COBL: variants seen among roughly 807,000 people sequenced by gnomAD.
The protein encoded by COBL is cordon-bleu WH2 repeat protein.
A neutral mutation model predicts 98.8 loss-of-function variants in COBL; 51 were observed. That is an observed-to-expected ratio of 0.52 (90% CI 0.41 to 0.65). The LOEUF is 0.65. COBL is among the 30% of genes least tolerant of loss of function. The probability of loss-of-function intolerance (pLI) is 0.00; values close to 1 mark genes in which losing one functional copy is unlikely to be tolerated. For missense variants in COBL, 1,617 were observed against 1,617.5 expected (o/e 1.00, Z 0.01); for synonymous variants, 634 against 651.7 (o/e 0.97, Z 0.41).
intron 5 of COBL, among the ~76,000 whole-genome samples, chr7:51,167,496 T>C (rs1787436557): frequency 6.6e-6 from 1 of 152,110 alleles, no homozygotes; most frequent in African/African-American, 2.4e-5. Context: ...AAAATTTCCA[T>C]ACTACCGTAA....
intron 7 of COBL, among the ~76,000 whole-genome samples, chr7:51,077,089 C>T (rs923552205): frequency 2.4e-4 from 36 of 152,090 alleles, no homozygotes; most frequent in African/African-American, 6.5e-4. Context: ...AATCAAATGG[C>T]GGCAGAAAGC....
At chr7:51,049,665 A>G (rs1790051929) in intron 7 of COBL, among the ~76,000 whole-genome samples, 1 of 152,200 alleles carries the variant, frequency 6.6e-6, no homozygotes, top group Non-Finnish European at 1.5e-5. Flanking sequence ...CTGCGTCTGA[A>G]CACAAGCATG....
Position 51,250,723 on chromosome 7 carries a change from G to A in COBL, c.42-30779C>T, listed in dbSNP as rs548902936. 7.9e-5 allele frequency among the ~76,000 whole-genome samples: 12 copies of A among 152,282 alleles called. 1 individual carries two copies. Among genetic ancestry groups the A allele is most frequent in the Admixed American group, 2.6e-4 (4 of 15,296 alleles). ...AAGCCATCATAAATAAAATAACTAA[G>A]GTATTATGTAAGCTGGAAAAAGGTG... On this transcript the variant is annotated intron_variant, in intron 1 of 12. Transcript: ENST00000265136.
At chr7:51,143,633 T>C (rs1248838647) in intron 5 of COBL, among the ~76,000 whole-genome samples, 1 of 152,190 alleles carries the variant, frequency 6.6e-6, no homozygotes. Context: ...AGGGCACCAC[T>C]ACAGGACACA....
rs146942905 is a variant in COBL at position 51,147,595 on chromosome 7, T to C, written c.784-11264A>G. On this transcript the variant is annotated intron_variant, in intron 5 of 12. Coordinates refer to ENST00000265136, the MANE Select transcript of COBL (RefSeq NM_015198.5). ...AGAGGAGAACAAAGGGAGGAGGAAG[T>C]AACTTGTGGAATGCTGAGAAAGGTG... is the stretch of plus-strand genomic sequence containing the variant. Among the ~76,000 whole-genome samples the C allele has an allele frequency of 6.2e-4, 94 of 152,168 alleles. No homozygotes were observed. The Middle Eastern group carries it at 0.01, about 17-fold the overall frequency.
At chr7:51,225,445 T>C (rs145662252) in intron 1 of COBL, among the ~76,000 whole-genome samples, 1 of 152,122 alleles carries the variant, frequency 6.6e-6, no homozygotes, top group South Asian at 2.1e-4. Context: ...CGGCTGGCAG[T>C]GCACACAGGC....
intron 5 of COBL, among the ~76,000 whole-genome samples, chr7:51,174,388 C>T (rs1367974095): frequency 6.6e-6 from 1 of 151,714 alleles, no homozygotes; most frequent in East Asian, 1.9e-4. Flanking sequence ...AAATTTAACA[C>T]AAAACAATAA....
intron 5 of COBL, among the ~76,000 whole-genome samples, chr7:51,159,787 C>T (rs562032292): frequency 1.3e-5 from 2 of 151,950 alleles, no homozygotes; most frequent in Non-Finnish European, 2.9e-5. Flanking sequence ...TTGTAAGAAT[C>T]GAACACTCTG....
chr7:51,096,273 G>C (rs1322481697), intron 6 of COBL, among the ~76,000 whole-genome samples: 1 of 152,058 alleles, frequency 6.6e-6, no homozygotes, highest in Non-Finnish European at 1.5e-5. Context: ...AACAACCAAT[G>C]GTTCAAAGAA....
At chr7:51,272,522 G>GA (rs201548789) in intron 1 of COBL, among the ~76,000 whole-genome samples, 1,549 of 152,142 alleles carry the variant, frequency 0.01, 10 homozygotes, top group South Asian at 0.023. Context: ...GGCGACGCAA[G>GA]AAAAAAATCA....
At chr7:51,069,966 G>A (rs758588031) in intron 7 of COBL, among the ~76,000 whole-genome samples, 14 of 151,950 alleles carry the variant, frequency 9.2e-5, no homozygotes, top group Non-Finnish European at 1.6e-4. Context: ...CTTTTGGGGG[G>A]GTTTCTTTTT....
chr7:51,283,955 A>G (rs1800042168), intron 1 of COBL, among the ~76,000 whole-genome samples: 1 of 152,058 alleles, frequency 6.6e-6, no homozygotes, highest in African/African-American at 2.4e-5. Context: ...ATGAATACAG[A>G]TGCAAAATTC....
chr7:51,116,620 GT>G (rs1382654912), intron 6 of COBL, among the ~76,000 whole-genome samples: 2 of 151,956 alleles, frequency 1.3e-5, no homozygotes, highest in African/African-American at 2.4e-5. Context: ...AGAAAAAATA[GT>G]TTTTTTATGT....
At chr7:51,025,728 T>C (rs1787487066) in intron 11 of COBL, among the ~76,000 whole-genome samples, 1 of 152,224 alleles carries the variant, frequency 6.6e-6, no homozygotes, top group Admixed American at 6.5e-5. Flanking sequence ...GATTCTGGTA[T>C]AGCAGCCCAA....
At chr7:51,257,961 T>G (rs940066386) in intron 1 of COBL, among the ~76,000 whole-genome samples, 9 of 152,214 alleles carry the variant, frequency 5.9e-5, no homozygotes, top group African/African-American at 2.2e-4. Flanking sequence ...AAGCTAAGCT[T>G]TAAGACACAG....
chr7:51,258,069 C>A (rs1192880779), intron 1 of COBL, among the ~76,000 whole-genome samples: 1 of 152,154 alleles, frequency 6.6e-6, no homozygotes, highest in Non-Finnish European at 1.5e-5. Flanking sequence ...AATAAGGTAG[C>A]TCTTTTCAAA....
At chr7:51,204,040 TTC>T (rs1791422860) in intron 2 of COBL, among the ~76,000 whole-genome samples, 3 of 152,322 alleles carry the variant, frequency 2.0e-5, no homozygotes, top group Admixed American at 6.5e-5. Flanking sequence ...TAAGTAGGAT[TTC>T]TCCCTGAGAT....
rs1185551564 is a variant in COBL at position 51,168,401 on chromosome 7, ACTCCAGCAC to A, written c.783+15692_783+15700del. 3.0e-3 allele frequency among the ~76,000 whole-genome samples: 460 copies of A among 151,920 alleles called. 1 individual carries two copies. The highest frequency in any genetic ancestry group is 0.011 in the African/African-American group (442 of 41,416). On this transcript the variant is annotated intron_variant, in intron 5 of 12. Coordinates refer to ENST00000265136, the MANE Select transcript of COBL (RefSeq NM_015198.5). ...CAGTGAGCCGAGATCGCACCACTGC[ACTCCAGCAC>A]CAGTGACAGAGCGAGACTCCGTTTC...
At position 51,272,700 on chromosome 7, in the gene COBL, G is replaced by T. The variant is rs1798875574; in HGVS notation, c.41+43893C>A. Among the ~76,000 whole-genome samples, 6 of 152,232 alleles carry T rather than the reference G, an allele frequency of 3.9e-5. No individual in the cohort carries two copies. The South Asian group carries it at 1.2e-3, about 32-fold the overall frequency. On this transcript the variant is annotated intron_variant, in intron 1 of 12. Transcript: ENST00000265136. ...AAGAGGCAAAGGGTTGCACAAATTG[G>T]ACACACAGGGCCTGAGGCATTTCTT...
Sources: gnomAD v4.1 joint callset for allele counts (sites outside exome capture counted in the v4.1 genomes callset) on GRCh38, gnomAD v4.1.1 for gene constraint, MANE v1.5 for transcripts, NCBI Gene and HGNC (gene_info 2026-07-23, HGNC 2026-07-21) for gene names.